The following ZNF106 variants were observed in gnomAD, a reference collection of about 807,000 sequenced individuals.
ZNF106 encodes SH3-domain binding protein 3.
A neutral mutation model predicts 195.1 loss-of-function variants in ZNF106; 67 were observed. The ratio of observed to expected loss-of-function variants is 0.34; its 90% CI spans 0.28 to 0.42. The LOEUF (loss-of-function observed/expected upper bound fraction) is 0.42, where lower values mean the gene tolerates loss of function less well. Ranked by LOEUF, ZNF106 falls within the 10% of genes least tolerant of loss-of-function variation. The pLI is 1.00. For missense variants in ZNF106, 2,118 were observed against 2,304.5 expected, an observed-to-expected ratio of 0.92 and a Z score of 1.66; for synonymous variants, 784 against 818.6, an observed-to-expected ratio of 0.96 and a Z score of 0.72.
chr15:42,458,409 GAA>G (rs773941390), intron 3 of ZNF106, among the ~76,000 whole-genome samples: 18 of 110,280 alleles, frequency 1.6e-4, no homozygotes, highest in Non-Finnish European at 1.9e-4. Context: ...TTCATTCAAG[GAA>G]AAAAAAAAAA....
intron 1 of ZNF106, among the ~76,000 whole-genome samples, chr15:42,484,921 AGCGGAG>A (rs1238924650): frequency 7.2e-5 from 11 of 152,302 alleles, no homozygotes; most frequent in Non-Finnish European, 1.3e-4. Flanking sequence ...GCACCTGGGA[AGCGGAG>A]GCGGGCGGAT....
chr15:42,466,199 T>TG, intron 2 of ZNF106, 85 bp from the exon 3 acceptor site: 1 of 1,091,994 alleles, frequency 9.2e-7, no homozygotes, highest in Non-Finnish European at 1.2e-6. Flanking sequence ...AATCAAAAAT[T>TG]GGGGCTCAAA....
At chr15:42,485,910 C>T (rs1339294802) in intron 1 of ZNF106, among the ~76,000 whole-genome samples, 1 of 152,000 alleles carries the variant, frequency 6.6e-6, no homozygotes, top group Non-Finnish European at 1.5e-5. Context: ...ACTGTGGTCA[C>T]CCATTGATTT....
Position 42,481,344 on chromosome 15 carries a change from T to G in ZNF106, c.-32-9023A>C, listed in dbSNP as rs900765626. Among the ~76,000 whole-genome samples the G allele has an allele frequency of 1.6e-4, 18 of 114,466 alleles. No individual in the cohort carries two copies. In the East Asian group the frequency reaches 2.4e-3, roughly 15 times the overall value. 75.1% of individuals were successfully genotyped at this position (114,466 alleles called of 152,430 possible). A position where few individuals can be genotyped will look rare whatever the true frequency, so the allele number is the denominator to read the frequency against. ...TGTCTTTATTTCATATTCTTTCTGT[T>G]TTTTTTTTTGTTGTTTTTTTTTTTT... On this transcript the variant is annotated intron_variant, in intron 1 of 21. Transcript: ENST00000564754.
Position 42,424,987 on chromosome 15 carries a change from AG to A in ZNF106, c.5036del (p.Pro1679LeufsTer51). ...KRLEIFECHG[P>X]RAVSCLATAQ... ...CTGTAGCAAGACAGCTGACTGCCCG[AG>A]GGCCATGGCATTCAAAGATCTCAAG... On this transcript the variant is annotated frameshift_variant, in exon 16 of 22. Transcript: ENST00000564754. LOFTEE classifies it high-confidence loss of function. 2 of 1,614,230 alleles carry A rather than the reference AG, an allele frequency of 1.2e-6. No individual in the cohort carries two copies. Among genetic ancestry groups the A allele is most frequent in the Non-Finnish European group, 1.7e-6 (2 of 1,180,052 alleles).
chr15:42,457,975 T>G lies in ZNF106; in HGVS notation c.117-817A>C, dbSNP rs538502938. ...CTTAGCCAGTCTTCAGAAGCCAGTC[T>G]TGAATCAGTGTCCACAGCTGTAGCA... On this transcript the variant is annotated intron_variant, in intron 3 of 21. Transcript: ENST00000564754. Among the ~76,000 whole-genome samples the G allele has an allele frequency of 3.3e-5, 5 of 152,318 alleles. No homozygotes were observed. In the East Asian group the frequency reaches 7.7e-4, roughly 23 times the overall value.
At chr15:42,485,786 G>A (rs549575055) in intron 1 of ZNF106, among the ~76,000 whole-genome samples, 1 of 152,086 alleles carries the variant, frequency 6.6e-6, no homozygotes, top group Non-Finnish European at 1.5e-5. Context: ...AATGTGGTAC[G>A]AAAGCACCCA....
rs575049692 is a variant in ZNF106 at position 42,415,466 on chromosome 15, T to C, written c.*1838A>G. On this transcript the variant is annotated 3_prime_UTR_variant, in exon 22 of 22. Transcript: ENST00000564754. The stretch of plus-strand genomic sequence containing the variant: ...ATTTTTTGGATCAAGTAAGAACCAC[T>C]GGAGCCTTTCCTGGAAAAAAGAACA... 2.3e-4 allele frequency: 105 copies of C among 454,734 alleles called. No individual in the cohort carries two copies. Among genetic ancestry groups the C allele is most frequent in the Admixed American group, 1.4e-4 (6 of 42,304 alleles). 28.2% of individuals were successfully genotyped at this position (454,734 alleles called of 1,614,324 possible).
chr15:42,439,638 T>G lies in ZNF106; in HGVS notation c.3939A>C (p.Ile1313=). Residue 1313 remains isoleucine (I), a synonymous_variant, in exon 11 of 22, where the codon ATA becomes ATC. Transcript: ENST00000564754. ...PSSQSAGLSS[I]NKEGEEPTKG... ...TGGTTGGCTCTTCCCCTTCTTTATTTATGCTAGAAAGACCAGCTGATTGGG... is the reference window on the plus strand; with the variant it reads ...TGGTTGGCTCTTCCCCTTCTTTATTGATGCTAGAAAGACCAGCTGATTGGG... 6.2e-6 allele frequency: 10 copies of G among 1,613,858 alleles called. No individual in the cohort carries two copies. Among genetic ancestry groups the G allele is most frequent in the Non-Finnish European group, 8.5e-6 (10 of 1,179,950 alleles).
At chr15:42,481,527 T>A (rs1595499143) in intron 1 of ZNF106, among the ~76,000 whole-genome samples, 1 of 151,960 alleles carries the variant, frequency 6.6e-6, no homozygotes, top group South Asian at 2.1e-4. Context: ...CCTGGCTAAT[T>A]TTTTTTATTT....
At chr15:42,425,828 G>A (rs2054834255) in intron 15 of ZNF106, 1 of 152,142 alleles carries the variant, frequency 6.6e-6, no homozygotes, top group African/African-American at 2.4e-5. Context: ...TCTGGCACCT[G>A]GTTCCATGTC....
At chr15:42,441,546 T>C (rs1431233686) in intron 10 of ZNF106, among the ~76,000 whole-genome samples, 1 of 152,220 alleles carries the variant, frequency 6.6e-6, no homozygotes, top group Non-Finnish European at 1.5e-5. Context: ...AGCTTAGACG[T>C]ATTCTCAAAT....
chr15:42,486,332 T>C (rs539740118), intron 1 of ZNF106, among the ~76,000 whole-genome samples: 116 of 152,032 alleles, frequency 7.6e-4, no homozygotes, highest in Middle Eastern at 6.8e-3. Context: ...TGATCATAGC[T>C]CACTGCAGCT....
At chr15:42,438,207 C>T (rs1231939639) in intron 12 of ZNF106, among the ~76,000 whole-genome samples, 7 of 152,050 alleles carry the variant, frequency 4.6e-5, no homozygotes, top group Admixed American at 6.6e-5. Flanking sequence ...GCCAACATGA[C>T]GAAACCCTGT....
intron 1 of ZNF106, among the ~76,000 whole-genome samples, chr15:42,482,551 T>TG (rs1163232195): frequency 7.6e-6 from 1 of 131,766 alleles, no homozygotes; most frequent in Non-Finnish European, 1.6e-5. Flanking sequence ...TTTTTTGAGA[T>TG]GGAGTCTCAC....
chr15:42,417,631 C>T (rs1329768284), intron 21 of ZNF106, among the ~76,000 whole-genome samples, 174 bp downstream of exon 21: 4 of 152,150 alleles, frequency 2.6e-5, no homozygotes, highest in Non-Finnish European at 5.9e-5. Context: ...CAAAAATGAC[C>T]TAATTCTTCA....
Position 42,423,750 on chromosome 15 carries a change from T to G in ZNF106, c.5253+248A>C, listed in dbSNP as rs143662486. Among the ~76,000 whole-genome samples the G allele has an allele frequency of 1.3e-4, 20 of 152,314 alleles. No homozygotes were observed. In the East Asian group the frequency reaches 3.9e-3, roughly 29 times the overall value. On this transcript the variant is annotated intron_variant, in intron 17 of 21. Coordinates refer to ENST00000564754, the MANE Select transcript of ZNF106 (RefSeq NM_001366845.3). Reference sequence around the variant, plus strand: ...TTCTGGAAGCCTCAGCTGCTCAGTTTATTTCAAGTTTAAATGAGGCATTCA... The same window carrying G: ...TTCTGGAAGCCTCAGCTGCTCAGTTGATTTCAAGTTTAAATGAGGCATTCA...
At chr15:42,438,241 A>T (rs964830585) in intron 12 of ZNF106, among the ~76,000 whole-genome samples, 2 of 151,962 alleles carry the variant, frequency 1.3e-5, no homozygotes, top group African/African-American at 4.8e-5. Flanking sequence ...ACAAAAAAAA[A>T]TTTGCCAGGC....
At chr15:42,477,350 T>C (rs1363652739) in intron 1 of ZNF106, among the ~76,000 whole-genome samples, 1 of 152,206 alleles carries the variant, frequency 6.6e-6, no homozygotes, top group East Asian at 1.9e-4. Flanking sequence ...TCCCACATTT[T>C]TTAGTACTTT....
Sources: gnomAD v4.1 joint callset for allele counts (sites outside exome capture counted in the v4.1 genomes callset) on GRCh38, gnomAD v4.1.1 for gene constraint, MANE v1.5 for transcripts, NCBI Gene and HGNC (gene_info 2026-07-23, HGNC 2026-07-21) for gene names.